TXK: variants seen among roughly 807,000 people sequenced by gnomAD.
TXK encodes tyrosine-protein kinase TXK.
TXK carries 60 observed loss-of-function variants against 81.0 expected under a neutral mutation model. The ratio of observed to expected loss-of-function variants is 0.74; its 90% confidence interval spans 0.60 to 0.92. TXK has a LOEUF of 0.92. Among genes scored for constraint, TXK ranks in the 40% least tolerant of loss-of-function variants. TXK has a pLI of 0.00. For synonymous variants in TXK, 203 were observed against 210.7 expected, an observed-to-expected ratio of 0.96 and a Z score of 0.32; for missense variants, 581 against 638.3, an observed-to-expected ratio of 0.91 and a Z score of 0.97.
At chr4:48,115,364 T>C (rs756641475) in intron 1 of TXK, among the ~76,000 whole-genome samples, 7 of 152,144 alleles carry the variant, frequency 4.6e-5, no homozygotes, top group Non-Finnish European at 7.3e-5. Context: ...TCCATGTCCC[T>C]GCAAAGGACA....
chr4:48,113,117 G>GCACCTCATGAATGA lies in TXK; in HGVS notation c.174+89_174+90insTCATTCATGAGGTG. On this transcript the variant is annotated intron_variant, in intron 3 of 14. Coordinates refer to ENST00000264316, the MANE Select transcript of TXK (RefSeq NM_003328.3). ...TTATTTTATGCCAAGCAGGATACTAGATTCTGGGCAACAAACAGCACCTCA... is the reference window on the plus strand; with the variant it reads ...TTATTTTATGCCAAGCAGGATACTAGCACCTCATGAATGAATTCTGGGCAACAAACAGCACCTCA... 4.8e-6 allele frequency: 4 copies of GCACCTCATGAATGA among 831,444 alleles called. No homozygotes were observed. In the South Asian group the frequency reaches 5.4e-5, roughly 11 times the overall value. The allele number at this position is 831,444 out of a possible 1,614,324, so 51.5% of individuals were successfully genotyped here.
chr4:48,089,583 G>T (rs912262474), intron 9 of TXK, 167 bp downstream of exon 9: 7 of 493,912 alleles, frequency 1.4e-5, no homozygotes, highest in African/African-American at 1.2e-4. Flanking sequence ...GTAGAGACGG[G>T]GTATCACCAT....
At chr4:48,095,085 T>C in intron 7 of TXK, 58 bp downstream of exon 7, 2 of 1,371,084 alleles carry the variant, frequency 1.5e-6, no homozygotes, top group South Asian at 1.2e-5. Context: ...ACATTCTCTA[T>C]GTGATGGAGA....
intron 9 of TXK, among the ~76,000 whole-genome samples, chr4:48,086,920 T>C (rs1717557024): frequency 6.6e-6 from 1 of 152,182 alleles, no homozygotes; most frequent in African/African-American, 2.4e-5. Flanking sequence ...CACACTTCTG[T>C]GCCTTTCTAA....
At chr4:48,078,997 CAT>C (rs2109406526) in intron 11 of TXK, among the ~76,000 whole-genome samples, 1 of 152,274 alleles carries the variant, frequency 6.6e-6, no homozygotes, top group South Asian at 2.1e-4. Context: ...GTTTTAGTCA[CAT>C]GATAGGTTAG....
Position 48,071,555 on chromosome 4 carries a change from T to C in TXK, c.1477A>G (p.Met493Val), listed in dbSNP as rs1443591263. ...CTGTACATGACTTCATATATGGACA[T>C]TGGTGCCAGGTGAGGGCGATATAGC... is the stretch of plus-strand genomic sequence containing the variant. ...FRLYRPHLAP[M>V]SIYEVMYSCW... Residue 493 changes from methionine to valine, a missense_variant, in exon 14 of 15, where the codon ATG becomes GTG. Physicochemically the swap from Met to Val is conservative, Grantham distance 21. Transcript: ENST00000264316. The C allele has an allele frequency of 6.8e-6, 11 of 1,614,060 alleles. No homozygotes were observed. Among genetic ancestry groups the C allele is most frequent in the African/African-American group, 5.3e-5 (4 of 74,938 alleles).
At chr4:48,122,332 C>T (rs1159472404) in intron 1 of TXK, among the ~76,000 whole-genome samples, 1 of 152,204 alleles carries the variant, frequency 6.6e-6, no homozygotes, top group Non-Finnish European at 1.5e-5. Context: ...GCCATAGGGC[C>T]TGCTCTCACC....
chr4:48,113,783 C>T (rs1718716596), intron 2 of TXK, among the ~76,000 whole-genome samples: 1 of 151,896 alleles, frequency 6.6e-6, no homozygotes, highest in African/African-American at 2.4e-5. Context: ...CCTCTCTAAT[C>T]TTCAATTTCC....
At chr4:48,128,049 T>C (rs539518148) in intron 1 of TXK, among the ~76,000 whole-genome samples, 76 of 152,292 alleles carry the variant, frequency 5.0e-4, no homozygotes, top group African/African-American at 1.8e-3. Context: ...TGTGAAGAAC[T>C]GTGGGGCCCG....
chr4:48,089,644 T>G (rs1426696588), intron 9 of TXK, 106 bp downstream of exon 9: 2 of 884,936 alleles, frequency 2.3e-6, no homozygotes, highest in African/African-American at 3.3e-5. Context: ...CACCCACCTT[T>G]GCCTCCCAAA....
chr4:48,116,100 A>C (rs903982650), intron 1 of TXK, among the ~76,000 whole-genome samples: 1 of 152,184 alleles, frequency 6.6e-6, no homozygotes, highest in South Asian at 2.1e-4. Flanking sequence ...TGTAAAACTG[A>C]GGTAAATAGT....
At chr4:48,127,499 G>A (rs1719119940) in intron 1 of TXK, among the ~76,000 whole-genome samples, 1 of 152,200 alleles carries the variant, frequency 6.6e-6, no homozygotes, top group Non-Finnish European at 1.5e-5. Flanking sequence ...TCCCAACTTA[G>A]GCAGGAACTC....
At chr4:48,081,379 C>T (rs28505096) in intron 10 of TXK, among the ~76,000 whole-genome samples, 11,305 of 152,076 alleles carry the variant, frequency 0.074, 503 homozygotes, top group South Asian at 0.14. Flanking sequence ...CAAACTCTCG[C>T]ATGTGATTCA....
rs753876191 is a variant in TXK at position 48,079,939 on chromosome 4, C to T, written c.1146G>A (p.Glu382=). 4.3e-6 allele frequency: 7 copies of T among 1,613,802 alleles called. No individual in the cohort carries two copies. In the African/African-American group the frequency reaches 9.3e-5, roughly 22 times the overall value. ...AATCCCTATGAATATAGCCATTCCTCTCCAGATATTCCATTCCTTCACATA... is the reference window on the plus strand; with the variant it reads ...AATCCCTATGAATATAGCCATTCCTTTCCAGATATTCCATTCCTTCACATA... ...QDICEGMEYL[E]RNGYIHRDLA... The change falls in exon 11 of 15, where the codon GAG becomes GAA. Residue 382 remains glutamate (E), a synonymous_variant. Coordinates refer to ENST00000264316, the MANE Select transcript of TXK (RefSeq NM_003328.3).
intron 1 of TXK, among the ~76,000 whole-genome samples, chr4:48,130,976 AG>A (rs1719234796): frequency 6.6e-6 from 1 of 152,204 alleles, no homozygotes; most frequent in Admixed American, 6.5e-5. Flanking sequence ...GAATAAAGAA[AG>A]GCAGAGAAAT....
chr4:48,075,847 T>C (rs182282067), intron 12 of TXK, among the ~76,000 whole-genome samples: 39 of 152,162 alleles, frequency 2.6e-4, no homozygotes, highest in Admixed American at 1.9e-3. Flanking sequence ...AACTTGGACT[T>C]TGAAGCTTAG....
Position 48,104,581 on chromosome 4 carries a change from A to T in TXK, c.501+320T>A, listed in dbSNP as rs192596750. Reference sequence around the variant, plus strand: ...TATAATATATATATATAATATATATATTATATATATATATAGAGAGAGAGA... The same window carrying T: ...TATAATATATATATATAATATATATTTTATATATATATATAGAGAGAGAGA... On this transcript the variant is annotated intron_variant, in intron 6 of 14. Transcript: ENST00000264316. Among the ~76,000 whole-genome samples the T allele has an allele frequency of 8.2e-3, 190 of 23,296 alleles. 78 individuals carry two copies. Among genetic ancestry groups the T allele is most frequent in the African/African-American group, 0.045 (187 of 4,164 alleles). The allele number at this position is 23,296 out of a possible 152,430, so 15.3% of individuals were successfully genotyped here. A position where few individuals can be genotyped will look rare whatever the true frequency, so the allele number is the denominator to read the frequency against.
intron 5 of TXK, among the ~76,000 whole-genome samples, chr4:48,107,739 C>G (rs1577673899): frequency 1.3e-5 from 2 of 151,686 alleles, no homozygotes; most frequent in South Asian, 4.2e-4. Flanking sequence ...GCCCCAGGCT[C>G]CAGTGTATCA....
chr4:48,085,511 G>A (rs1717487495), intron 10 of TXK, among the ~76,000 whole-genome samples: 1 of 152,112 alleles, frequency 6.6e-6, no homozygotes, highest in Admixed American at 6.6e-5. Flanking sequence ...GGTAGAAGCG[G>A]GCAGTTCCCC....
Sources: gnomAD v4.1 joint callset for allele counts (sites outside exome capture counted in the v4.1 genomes callset) on GRCh38, gnomAD v4.1.1 for gene constraint, MANE v1.5 for transcripts, NCBI Gene and HGNC (gene_info 2026-07-23, HGNC 2026-07-21) for gene names.